Variants in ARMC8 observed in about 807,000 individuals in gnomAD.
ARMC8 encodes armadillo repeat containing 8.
Under a neutral mutation model 99.3 loss-of-function variants are expected in ARMC8, and 20 were observed. The observed-to-expected ratio is 0.20, with a 90% CI of 0.14 to 0.29. The LOEUF is 0.29. ARMC8 is among the 10% of genes least tolerant of loss of function. ARMC8 has a pLI of 1.00. For missense variants in ARMC8, 569 were observed against 809.5 expected (o/e 0.70, Z 3.60); for synonymous variants, 263 against 278.3 (o/e 0.95, Z 0.55).
intron 2 of ARMC8, among the ~76,000 whole-genome samples, chr3:138,218,049 T>C (rs1161312244): frequency 6.6e-6 from 1 of 152,168 alleles, no homozygotes; most frequent in East Asian, 1.9e-4. Context: ...ATTTATTGAG[T>C]GCCTGCCTAG....
intron 18 of ARMC8, among the ~76,000 whole-genome samples, chr3:138,279,909 T>C (rs1006750795): frequency 4.7e-5 from 7 of 149,560 alleles, no homozygotes; most frequent in Non-Finnish European, 8.9e-5. Context: ...TGGTAATTCC[T>C]TTTTTTTTTC....
intron 19 of ARMC8, among the ~76,000 whole-genome samples, chr3:138,287,202 C>T (rs1285183194): frequency 6.6e-6 from 1 of 152,230 alleles, no homozygotes; most frequent in African/African-American, 2.4e-5. Context: ...TTCCTCTCAA[C>T]ACAGAATGAA....
Position 138,255,212 on chromosome 3 carries a change from T to G in ARMC8, c.1135-8527T>G, listed in dbSNP as rs528300041. ...TTCTGTTTTTTTTTTTTTTGTTTTT[T>G]TTTTTTTTGAGATGGAGTCTCGCTC... On this transcript the variant is annotated intron_variant, in intron 12 of 21. Coordinates refer to ENST00000469044, the MANE Select transcript of ARMC8 (RefSeq NM_001363941.2). Among the ~76,000 whole-genome samples the G allele has an allele frequency of 6.7e-3, 992 of 147,426 alleles. 13 individuals carry two copies. Among genetic ancestry groups the G allele is most frequent in the African/African-American group, 0.022 (897 of 39,930 alleles).
intron 6 of ARMC8, among the ~76,000 whole-genome samples, chr3:138,233,817 G>A (rs62280654): frequency 6.6e-6 from 1 of 152,182 alleles, no homozygotes; most frequent in Non-Finnish European, 1.5e-5. Flanking sequence ...AGCCCAGACC[G>A]ATAGCCAACC....
intron 21 of ARMC8, among the ~76,000 whole-genome samples, chr3:138,293,061 GC>G (rs1448733171): frequency 1.2e-4 from 19 of 152,306 alleles, no homozygotes; most frequent in Admixed American, 9.8e-4. Flanking sequence ...TGCCAGGGAT[GC>G]CTTTTGTGCT....
chr3:138,262,211 A>G (rs1401321621), intron 12 of ARMC8: 1 of 207,734 alleles, frequency 4.8e-6, no homozygotes, highest in African/African-American at 2.3e-5. Context: ...GGAGTCACAA[A>G]GAGTAGGTAG....
rs34583566 is a variant in ARMC8 at position 138,278,503 on chromosome 3, CA to C, written c.1725+3970del. Among the ~76,000 whole-genome samples, 32 of 140,494 alleles carry C rather than the reference CA, an allele frequency of 2.3e-4. 1 individual carries two copies. Among genetic ancestry groups the C allele is most frequent in the East Asian group, 8.2e-4 (4 of 4,882 alleles). The allele number at this position is 140,494 out of a possible 152,430, so 92.2% of individuals were successfully genotyped here. On this transcript the variant is annotated intron_variant, in intron 18 of 21. Coordinates refer to ENST00000469044, the MANE Select transcript of ARMC8 (RefSeq NM_001363941.2). ...TGGGTGACACAGCAAGACTCCATCT[CA>C]AAAAAAAAAAGATTCTATACATTTG...
chr3:138,215,977 C>T (rs867006727), intron 2 of ARMC8, among the ~76,000 whole-genome samples: 14 of 151,608 alleles, frequency 9.2e-5, no homozygotes, highest in Admixed American at 2.0e-4. Flanking sequence ...TCTCCTGCCT[C>T]AGCCTCCCGA....
chr3:138,198,526 T>A lies in ARMC8; in HGVS notation c.45+10927T>A, dbSNP rs189775957. ...TATTATTATTATTATTATTATTATT[T>A]TTTGAGACAGATTCTCACTCTTCTC... is the stretch of plus-strand genomic sequence containing the variant. On this transcript the variant is annotated intron_variant, in intron 1 of 21. Transcript: ENST00000469044. Among the ~76,000 whole-genome samples the A allele has an allele frequency of 3.7e-3, 541 of 145,940 alleles. 2 individuals are homozygous for A. The highest frequency in any genetic ancestry group is 0.013 in the African/African-American group (519 of 39,372).
intron 15 of ARMC8, among the ~76,000 whole-genome samples, chr3:138,268,944 A>G (rs1489792793): frequency 1.3e-5 from 2 of 152,160 alleles, no homozygotes; most frequent in African/African-American, 2.4e-5. Context: ...TAACTGTACT[A>G]TGGTTATCTA....
intron 12 of ARMC8, chr3:138,262,652 A>T: frequency 6.8e-7 from 1 of 1,476,026 alleles, no homozygotes; most frequent in Non-Finnish European, 9.0e-7. Flanking sequence ...ATCTAATTTA[A>T]TTGGTCTGCT....
rs1232227999 is a variant in ARMC8, at chr3:138,209,177, C to G, written c.46-640C>G. Among the ~76,000 whole-genome samples, 3 of 152,304 alleles carry G rather than the reference C, an allele frequency of 2.0e-5. No homozygotes were observed. The East Asian group carries it at 5.8e-4, about 29-fold the overall frequency. ...ATACTAATTTATAGAAGTAATATTCCTATCTATTAATTATACGTACATGAC... is the reference window on the plus strand; with the variant it reads ...ATACTAATTTATAGAAGTAATATTCGTATCTATTAATTATACGTACATGAC... On this transcript the variant is annotated intron_variant, in intron 1 of 21. Transcript: ENST00000469044.
chr3:138,236,183 A>G (rs1345725606), intron 7 of ARMC8, among the ~76,000 whole-genome samples: 1 of 152,128 alleles, frequency 6.6e-6, no homozygotes. Context: ...TATCTAGTTT[A>G]GTCTTGGTAA....
At chr3:138,187,287 G>A (rs979985223), upstream of ARMC8, 2 of 418,596 alleles carry the variant, frequency 4.8e-6, no homozygotes, top group Non-Finnish European at 8.5e-6. Context: ...TTGCGCATGC[G>A]GAAACCGCTG....
chr3:138,287,549 A>G, intron 19 of ARMC8: 1 of 447,078 alleles, frequency 2.2e-6, no homozygotes, highest in South Asian at 1.6e-5. Context: ...TTGTTATAGT[A>G]TATACAAGCT....
At position 138,263,628 on chromosome 3, in the gene ARMC8, T is replaced by C. The variant is rs1035191695; in HGVS notation, c.1135-111T>C. 4 of 984,286 alleles carry C rather than the reference T, an allele frequency of 4.1e-6. No homozygotes were observed. The East Asian group carries it at 7.2e-5, about 18-fold the overall frequency. The allele number at this position is 984,286 out of a possible 1,614,324, so 61.0% of individuals were successfully genotyped here. ...TGATTGTTTGAGAGGTAAAAACTCT[T>C]GCCAAAAACAACGTTAAACTTTTAA... is the stretch of plus-strand genomic sequence containing the variant. On this transcript the variant is annotated intron_variant, in intron 12 of 21. Transcript: ENST00000469044.
chr3:138,240,303 A>G (rs879637646), intron 10 of ARMC8, among the ~76,000 whole-genome samples: 1 of 152,210 alleles, frequency 6.6e-6, no homozygotes, highest in Non-Finnish European at 1.5e-5. Context: ...TCAAAAGGTG[A>G]TCCCAAGGAT....
At position 138,249,914 on chromosome 3, in the gene ARMC8, C is replaced by T. The variant is rs370754396; in HGVS notation, c.1134+4731C>T. 2.6e-5 allele frequency among the ~76,000 whole-genome samples: 4 copies of T among 152,242 alleles called. No individual in the cohort carries two copies. The East Asian group carries it at 7.7e-4, about 29-fold the overall frequency. ...AAAATGGACATGTTTATCCATGGAG[C>T]TATCCTTGAGTCAATTTGGAATTTA... is the stretch of plus-strand genomic sequence containing the variant. On this transcript the variant is annotated intron_variant, in intron 12 of 21. Transcript: ENST00000469044.
At chr3:138,217,846 G>T (rs944481443) in intron 2 of ARMC8, among the ~76,000 whole-genome samples, 1 of 152,146 alleles carries the variant, frequency 6.6e-6, no homozygotes, top group African/African-American at 2.4e-5. Context: ...GCTTTCTGTT[G>T]TTTCCTGCAC....
Sources: gnomAD v4.1 joint callset for allele counts (sites outside exome capture counted in the v4.1 genomes callset) on GRCh38, gnomAD v4.1.1 for gene constraint, MANE v1.5 for transcripts, NCBI Gene and HGNC (gene_info 2026-07-23, HGNC 2026-07-21) for gene names.